RAD51B: variants seen among roughly 807,000 people sequenced by gnomAD.
The protein encoded by RAD51B is RAD51 paralog B.
Under a neutral mutation model 42.2 loss-of-function variants are expected in RAD51B, and 38 were observed. The ratio of observed to expected loss-of-function variants is 0.90; its 90% CI spans 0.70 to 1.18. The LOEUF (loss-of-function observed/expected upper bound fraction) is 1.18. Among genes scored for constraint, RAD51B ranks in the 50% most tolerant of loss-of-function variants. The pLI is 0.00. For missense variants in RAD51B, 373 were observed against 400.7 expected (o/e 0.93, Z 0.59); for synonymous variants, 154 against 145.2 (o/e 1.06, Z -0.43).
chr14:68,250,419 T>A (rs1414461902), intron 7 of RAD51B, among the ~76,000 whole-genome samples: 1 of 152,244 alleles, frequency 6.6e-6, no homozygotes, highest in Non-Finnish European at 1.5e-5. Context: ...TCAAGAAGCT[T>A]AATTTTCTTA....
At chr14:68,581,701 A>G (rs919360551) in intron 10 of RAD51B, among the ~76,000 whole-genome samples, 4 of 152,208 alleles carry the variant, frequency 2.6e-5, no homozygotes, top group African/African-American at 9.7e-5. Context: ...TGCAGCCAAG[A>G]CAATCCTAAG....
chr14:68,531,361 T>C (rs1887295228), intron 10 of RAD51B, among the ~76,000 whole-genome samples: 1 of 152,164 alleles, frequency 6.6e-6, no homozygotes, highest in South Asian at 2.1e-4. Context: ...AGTTATAAGC[T>C]ATTTTCAAAA....
intron 7 of RAD51B, among the ~76,000 whole-genome samples, chr14:68,097,157 A>G (rs1168600684): frequency 6.6e-6 from 1 of 152,184 alleles, no homozygotes; most frequent in South Asian, 2.1e-4. Context: ...TTGAGTATCA[A>G]TATAAAAAGC....
At chr14:68,290,113 G>A (rs1217723061) in intron 7 of RAD51B, among the ~76,000 whole-genome samples, 1 of 152,196 alleles carries the variant, frequency 6.6e-6, no homozygotes, top group African/African-American at 2.4e-5. Flanking sequence ...AGTGACAGAG[G>A]TGTGGCTGAA....
Position 67,983,415 on chromosome 14 carries a change from T to C in RAD51B, c.756+96211T>C, listed in dbSNP as rs926463025. Among the ~76,000 whole-genome samples, 42 of 152,206 alleles carry C rather than the reference T, an allele frequency of 2.8e-4. 1 individual carries two copies. The highest frequency in any genetic ancestry group is 9.2e-4 in the African/African-American group (38 of 41,452). ...GCCTATGTAGTCCTATGTAGGCCTT[T>C]TTATGTCAATATCAGTCTGAGTAAA... On this transcript the variant is annotated intron_variant, in intron 7 of 10. Coordinates refer to ENST00000471583, the MANE Select transcript of RAD51B (RefSeq NM_133510.4).
At chr14:68,115,536 A>T (rs1267356075) in intron 7 of RAD51B, among the ~76,000 whole-genome samples, 2 of 140,380 alleles carry the variant, frequency 1.4e-5, no homozygotes, top group African/African-American at 6.1e-5. Context: ...CCTAAAACTT[A>T]AAGTATAAAA....
intron 8 of RAD51B, among the ~76,000 whole-genome samples, chr14:68,383,158 A>G (rs1466345981): frequency 6.6e-6 from 1 of 152,192 alleles, no homozygotes; most frequent in Admixed American, 6.5e-5. Flanking sequence ...TGTGAGTTGA[A>G]TTCTCTTTAA....
chr14:68,193,195 T>G (rs527983660), intron 7 of RAD51B, among the ~76,000 whole-genome samples: 1 of 152,280 alleles, frequency 6.6e-6, no homozygotes, highest in African/African-American at 2.4e-5. Flanking sequence ...CAGACTAGAA[T>G]TCTTTCCTCA....
At chr14:68,292,183 G>C (rs552480927) in intron 8 of RAD51B, among the ~76,000 whole-genome samples, 2 of 152,326 alleles carry the variant, frequency 1.3e-5, no homozygotes, top group East Asian at 3.9e-4. Context: ...CTCTATAAGG[G>C]AGCTCCATTT....
chr14:68,088,934 G>A (rs2077045271), intron 7 of RAD51B, among the ~76,000 whole-genome samples: 1 of 151,960 alleles, frequency 6.6e-6, no homozygotes, highest in African/African-American at 2.4e-5. Flanking sequence ...TCTGTTCTCC[G>A]TTTAAAAGTC....
intron 7 of RAD51B, among the ~76,000 whole-genome samples, chr14:67,890,089 T>G (rs1025160357): frequency 6.6e-6 from 1 of 152,184 alleles, no homozygotes; most frequent in Non-Finnish European, 1.5e-5. Context: ...CCGAAAAAAA[T>G]TTAAATACTG....
chr14:68,411,579 A>G, intron 9 of RAD51B, 52 bp downstream of exon 9: 1 of 1,535,762 alleles, frequency 6.5e-7, no homozygotes, highest in Non-Finnish European at 9.0e-7. Flanking sequence ...AATGAGATAT[A>G]CCAAGCAATC....
chr14:68,410,855 A>G (rs2084396652), intron 8 of RAD51B, among the ~76,000 whole-genome samples: 1 of 151,826 alleles, frequency 6.6e-6, no homozygotes, highest in South Asian at 2.1e-4. Context: ...AGGTAAAGGA[A>G]TGTTTCTCTT....
chr14:68,336,538 G>T (rs964075252), intron 8 of RAD51B, among the ~76,000 whole-genome samples: 1 of 152,302 alleles, frequency 6.6e-6, no homozygotes, highest in Middle Eastern at 3.4e-3. Flanking sequence ...CCAATACATA[G>T]ATTGCTATTT....
rs536578856 is a variant in RAD51B, at chr14:68,435,128, G to A, written c.957+23601G>A. On this transcript the variant is annotated intron_variant, in intron 9 of 10. Transcript: ENST00000471583. ...TGAGGTGCGAATAATCCCATCACCCGGGTAGTAAGCATAGTACCCCATAGG... is the reference window on the plus strand; with the variant it reads ...TGAGGTGCGAATAATCCCATCACCCAGGTAGTAAGCATAGTACCCCATAGG... Among the ~76,000 whole-genome samples, 8 of 152,160 alleles carry A rather than the reference G, an allele frequency of 5.3e-5. No homozygotes were observed. In the South Asian group the frequency reaches 1.2e-3, roughly 24 times the overall value.
intron 8 of RAD51B, among the ~76,000 whole-genome samples, chr14:68,320,023 T>C (rs1018573763): frequency 3.5e-4 from 53 of 152,196 alleles, no homozygotes; most frequent in African/African-American, 1.3e-3. Flanking sequence ...GGGATAAGCA[T>C]TCAAATCAAT....
intron 7 of RAD51B, among the ~76,000 whole-genome samples, chr14:68,006,517 A>C (rs2075594463): frequency 6.6e-6 from 1 of 152,266 alleles, no homozygotes; most frequent in East Asian, 1.9e-4. Flanking sequence ...ATATACAAGT[A>C]TATATGAGGA....
intron 5 of RAD51B, among the ~76,000 whole-genome samples, chr14:67,883,304 T>TAAA (rs35677863): frequency 7.2e-6 from 1 of 139,338 alleles, no homozygotes; most frequent in African/African-American, 2.7e-5. Flanking sequence ...AAATAAAAGC[T>TAAA]AAAAAAAAAA....
intron 7 of RAD51B, among the ~76,000 whole-genome samples, chr14:68,051,083 A>T (rs1489804941): frequency 6.6e-6 from 1 of 151,920 alleles, no homozygotes; most frequent in East Asian, 1.9e-4. Context: ...CATTCATAGT[A>T]GTGTCAAAAA....
Sources: allele counts gnomAD v4.1 joint callset (sites outside exome capture counted in the v4.1 genomes callset), GRCh38; gene constraint gnomAD v4.1.1; transcripts MANE v1.5; gene names NCBI Gene and HGNC (gene_info 2026-07-23, HGNC 2026-07-21).